CSMD1: variants seen among roughly 807,000 people sequenced by gnomAD.
The protein encoded by CSMD1 is CUB and sushi domain-containing protein 1.
A neutral mutation model predicts 417.5 loss-of-function variants in CSMD1; 213 were observed. The observed-to-expected ratio is 0.51, with a 90% confidence interval of 0.46 to 0.57. CSMD1 has a LOEUF of 0.57. Among genes scored for constraint, CSMD1 ranks in the 20% least tolerant of loss-of-function variants. CSMD1 has a pLI of 0.00. For synonymous variants in CSMD1, 2,862 were observed against 1,736.8 expected (o/e 1.65, Z -16.11); for missense variants, 6,923 against 4,529.7 (o/e 1.53, Z -15.17).
intron 25 of CSMD1, among the ~76,000 whole-genome samples, chr8:3,305,783 C>T (rs1266488933): frequency 2.0e-5 from 3 of 152,086 alleles, no homozygotes; most frequent in East Asian, 1.9e-4. Flanking sequence ...GGGTTCACAC[C>T]ATTCTCCTGC....
chr8:3,592,208 T>C (rs1476046350), intron 8 of CSMD1, among the ~76,000 whole-genome samples: 1 of 151,864 alleles, frequency 6.6e-6, no homozygotes, highest in Non-Finnish European at 1.5e-5. Flanking sequence ...GACAGAAAGA[T>C]AAACAAGTGG....
At chr8:4,716,870 T>C (rs1584989280) in intron 1 of CSMD1, among the ~76,000 whole-genome samples, 1 of 152,122 alleles carries the variant, frequency 6.6e-6, no homozygotes, top group African/African-American at 2.4e-5. Flanking sequence ...TGTATATAGA[T>C]TGAAATTAAT....
At chr8:3,910,836 C>G (rs1446185384) in intron 5 of CSMD1, among the ~76,000 whole-genome samples, 1 of 152,178 alleles carries the variant, frequency 6.6e-6, no homozygotes, top group Non-Finnish European at 1.5e-5. Context: ...GGCCAAATCT[C>G]TATCTTATTT....
intron 5 of CSMD1, among the ~76,000 whole-genome samples, chr8:3,960,088 G>A (rs955986220): frequency 2.0e-5 from 3 of 152,176 alleles, no homozygotes; most frequent in Admixed American, 6.5e-5. Context: ...AGACAACAGT[G>A]CTGGAGCTAA....
chr8:3,106,716 A>T, intron 45 of CSMD1, 75 bp from the exon 46 acceptor site: 1 of 720,460 alleles, frequency 1.4e-6, no homozygotes, highest in East Asian at 2.7e-5. Flanking sequence ...CACATGTAGG[A>T]CTACTTAAAT....
chr8:3,864,891 C>T (rs932178613), intron 5 of CSMD1, among the ~76,000 whole-genome samples: 1 of 152,162 alleles, frequency 6.6e-6, no homozygotes, highest in Non-Finnish European at 1.5e-5. Context: ...TCTTTGTATA[C>T]TTAGTAAAAC....
chr8:4,425,142 T>G (rs1223630652), intron 2 of CSMD1, among the ~76,000 whole-genome samples: 4 of 152,038 alleles, frequency 2.6e-5, no homozygotes, highest in African/African-American at 9.7e-5. Context: ...TAAATACAAT[T>G]TCATGTCCCT....
chr8:4,795,736 AG>A (rs1232802687), intron 1 of CSMD1, among the ~76,000 whole-genome samples: 3 of 152,120 alleles, frequency 2.0e-5, no homozygotes, highest in Non-Finnish European at 4.4e-5. Context: ...CAGGTCCTCC[AG>A]GGCTCTTGTC....
chr8:3,698,102 A>T (rs1431405594), intron 7 of CSMD1, among the ~76,000 whole-genome samples: 1 of 152,176 alleles, frequency 6.6e-6, no homozygotes, highest in Admixed American at 6.5e-5. Context: ...ATAATTGATG[A>T]AACATCTTGT....
intron 15 of CSMD1, among the ~76,000 whole-genome samples, chr8:3,404,485 G>C (rs1050525419): frequency 1.1e-4 from 16 of 152,224 alleles, no homozygotes; most frequent in African/African-American, 3.4e-4. Context: ...TCCACACCTA[G>C]ACCCCAGCTC....
At chr8:4,182,141 A>G (rs182380767) in intron 3 of CSMD1, among the ~76,000 whole-genome samples, 49 of 152,212 alleles carry the variant, frequency 3.2e-4, no homozygotes, top group Admixed American at 2.6e-3. Flanking sequence ...AGACAGAACT[A>G]AAAAAACAAC....
intron 3 of CSMD1, among the ~76,000 whole-genome samples, chr8:4,381,070 G>C (rs901000312): frequency 6.6e-6 from 1 of 152,128 alleles, no homozygotes; most frequent in Admixed American, 6.5e-5. Flanking sequence ...GTTATATTAG[G>C]TTGGTTCAAA....
intron 3 of CSMD1, among the ~76,000 whole-genome samples, chr8:4,299,451 G>T (rs1797864322): frequency 6.6e-6 from 1 of 152,146 alleles, no homozygotes; most frequent in Non-Finnish European, 1.5e-5. Context: ...AAAGCCACTA[G>T]TAATTGGTTC....
At chr8:4,455,517 T>A (rs887791608) in intron 2 of CSMD1, among the ~76,000 whole-genome samples, 1 of 152,180 alleles carries the variant, frequency 6.6e-6, no homozygotes, top group Non-Finnish European at 1.5e-5. Context: ...TCTCTGCAGC[T>A]GGACCAGAAA....
intron 5 of CSMD1, among the ~76,000 whole-genome samples, chr8:3,764,965 G>A (rs1359144818): frequency 4.6e-5 from 7 of 151,818 alleles, no homozygotes; most frequent in Non-Finnish European, 8.8e-5. Context: ...GGCTGGTCTC[G>A]AACTCCTGAC....
chr8:4,210,186 G>A (rs1042689528), intron 3 of CSMD1, among the ~76,000 whole-genome samples: 4 of 152,174 alleles, frequency 2.6e-5, no homozygotes, highest in Non-Finnish European at 5.9e-5. Context: ...CCCATCTGTG[G>A]GAGCTCCTTC....
At chr8:3,026,724 G>A (rs1016542322) in intron 51 of CSMD1, among the ~76,000 whole-genome samples, 3 of 152,226 alleles carry the variant, frequency 2.0e-5, no homozygotes, top group African/African-American at 7.2e-5. Context: ...CTGGGCCGTA[G>A]CGAATCTGTG....
chr8:3,173,795 CA>C (rs1324202679), intron 37 of CSMD1, among the ~76,000 whole-genome samples: 1 of 152,110 alleles, frequency 6.6e-6, no homozygotes, highest in Non-Finnish European at 1.5e-5. Context: ...GAACTCTCCT[CA>C]GTAGTGTTAA....
At chr8:4,182,636 C>T (rs539898062) in intron 3 of CSMD1, among the ~76,000 whole-genome samples, 1 of 152,204 alleles carries the variant, frequency 6.6e-6, no homozygotes, top group African/African-American at 2.4e-5. Context: ...CATATATACT[C>T]ATTTTCAGGA....
Sources: gnomAD v4.1 joint callset for allele counts (sites outside exome capture counted in the v4.1 genomes callset) on GRCh38, gnomAD v4.1.1 for gene constraint, MANE v1.5 for transcripts, NCBI Gene and HGNC (gene_info 2026-07-23, HGNC 2026-07-21) for gene names.